FRYL: variants seen among roughly 807,000 people sequenced by gnomAD.
FRYL encodes FRY like transcription coactivator, also known as protein furry homolog-like.
In FRYL, 150 loss-of-function variants were observed where a neutral mutation model predicts 351.2. The ratio of observed to expected loss-of-function variants is 0.43; its 90% CI spans 0.37 to 0.49. The LOEUF is 0.49. FRYL is among the 20% of genes least tolerant of loss of function. FRYL has a pLI of 0.00. For synonymous variants in FRYL, 1,153 were observed against 1,257.1 expected, an observed-to-expected ratio of 0.92 and a Z score of 1.75; for missense variants, 3,036 against 3,619.3, an observed-to-expected ratio of 0.84 and a Z score of 4.13.
chr4:48,699,766 C>G (rs960452156), intron 2 of FRYL, among the ~76,000 whole-genome samples: 5 of 148,248 alleles, frequency 3.4e-5, no homozygotes, highest in Non-Finnish European at 7.5e-5. Flanking sequence ...TTTTCCTCCT[C>G]TATTTTGAGA....
rs1315692209 is a variant in FRYL at position 48,527,581 on chromosome 4, T to C, written c.7213A>G (p.Ile2405Val). 14 of 1,613,288 alleles carry C rather than the reference T, an allele frequency of 8.7e-6. No individual in the cohort carries two copies. The highest frequency in any genetic ancestry group is 1.2e-5 in the Non-Finnish European group (14 of 1,179,458). Reference sequence around the variant, plus strand: ...ACAGCTACTTCTTCCTCTTGATTTATGTCTTCTGTTGTAGAAATTAGGCTA... The same window carrying C: ...ACAGCTACTTCTTCCTCTTGATTTACGTCTTCTGTTGTAGAAATTAGGCTA... The part of the protein sequence containing the change: ...QTSLISTTED[I>V]NQEEEVAVED... The change falls in exon 53 of 64, where the codon ATA (isoleucine) becomes GTA (valine). Residue 2405 changes from isoleucine (I) to valine (V), a missense_variant. Around this residue, in one of 7 missense-constraint regions of FRYL, gnomAD observed 1,987 missense variants for 2,311.7 expected, o/e 0.86. Coordinates refer to ENST00000358350, the MANE Select transcript of FRYL (RefSeq NM_015030.2).
intron 2 of FRYL, among the ~76,000 whole-genome samples, chr4:48,685,441 T>C (rs967780163): frequency 6.6e-6 from 1 of 152,218 alleles, no homozygotes; most frequent in African/African-American, 2.4e-5. Flanking sequence ...TACTAGCCAA[T>C]GGTTAAACTA....
At chr4:48,740,771 T>C (rs1409059800) in intron 1 of FRYL, among the ~76,000 whole-genome samples, 3 of 152,062 alleles carry the variant, frequency 2.0e-5, no homozygotes, top group Non-Finnish European at 2.9e-5. Context: ...ACAAACCAAA[T>C]GCTGGTGAGG....
chr4:48,683,309 A>G (rs751140430), intron 3 of FRYL, among the ~76,000 whole-genome samples: 4 of 151,892 alleles, frequency 2.6e-5, no homozygotes, highest in Non-Finnish European at 4.4e-5. Flanking sequence ...TAGGAGAAAC[A>G]CCTAATGTAG....
chr4:48,583,095 TATC>T (rs1218456413), intron 19 of FRYL, among the ~76,000 whole-genome samples: 2 of 152,152 alleles, frequency 1.3e-5, no homozygotes, highest in African/African-American at 2.4e-5. Context: ...ATCTTAGCAC[TATC>T]GTCACATTTA....
intron 1 of FRYL, among the ~76,000 whole-genome samples, chr4:48,719,819 G>C (rs748702583): frequency 3.3e-5 from 5 of 151,636 alleles, no homozygotes; most frequent in Non-Finnish European, 5.9e-5. Context: ...AATGGGAAGA[G>C]TGGAGCAAGG....
rs202130580 is a variant in FRYL, at chr4:48,656,728, C to A, written c.-80-22238G>T. On this transcript the variant is annotated intron_variant, in intron 3 of 63. Transcript: ENST00000358350. ...ATATAAAATGTATATATATGACTGA[C>A]TATATATATATATATTTATTTATCG... Among the ~76,000 whole-genome samples, 21 of 144,948 alleles carry A rather than the reference C, an allele frequency of 1.4e-4. 1 individual carries two copies. Among genetic ancestry groups the A allele is most frequent in the African/African-American group, 2.8e-4 (11 of 39,264 alleles).
In FRYL at chr4:48,557,113, G is replaced by T; in HGVS notation, c.4131C>A (p.Gly1377=). 6.3e-7 allele frequency: 1 copy of T among 1,580,936 alleles called. No individual in the cohort carries two copies. Among genetic ancestry groups the T allele is most frequent in the Non-Finnish European group, 8.6e-7 (1 of 1,159,538 alleles). The change falls in exon 35 of 64, where the codon GGC becomes GGA. Residue 1377 remains glycine, a synonymous_variant. Transcript: ENST00000358350. ...NNLMYMTAKY[G]DELAWSEVEN... ...CCACCTCCGACCAGGCCAGTTCATC[G>T]CCATACTAGATGCAATATGCACAAA...
intron 1 of FRYL, among the ~76,000 whole-genome samples, chr4:48,774,825 G>A (rs549962164): frequency 4.6e-5 from 7 of 152,142 alleles, no homozygotes; most frequent in Non-Finnish European, 1.0e-4. Flanking sequence ...GATTACAGGC[G>A]TGAGCCACCG....
At chr4:48,776,130 T>C (rs1775991077) in intron 1 of FRYL, among the ~76,000 whole-genome samples, 2 of 149,854 alleles carry the variant, frequency 1.3e-5, no homozygotes, top group Non-Finnish European at 3.0e-5. Context: ...ATAGGAGCAG[T>C]GTTATGTGAC....
At chr4:48,775,978 A>C (rs561380681) in intron 1 of FRYL, among the ~76,000 whole-genome samples, 7 of 152,018 alleles carry the variant, frequency 4.6e-5, no homozygotes, top group African/African-American at 1.4e-4. Context: ...ACTCCCAATA[A>C]ATGTAATTTA....
At chr4:48,673,582 T>C (rs1226808927) in intron 3 of FRYL, among the ~76,000 whole-genome samples, 1 of 152,108 alleles carries the variant, frequency 6.6e-6, no homozygotes, top group Non-Finnish European at 1.5e-5. Flanking sequence ...AAAAAAATAC[T>C]GTATACCTAA....
chr4:48,578,859 T>C, intron 23 of FRYL, 114 bp downstream of exon 23: 1 of 823,728 alleles, frequency 1.2e-6, no homozygotes, highest in East Asian at 2.6e-5. Context: ...CAATGCAGTA[T>C]CACATATTAT....
chr4:48,526,352 G>C (rs1280289268), intron 53 of FRYL, among the ~76,000 whole-genome samples: 1 of 152,138 alleles, frequency 6.6e-6, no homozygotes, highest in African/African-American at 2.4e-5. Flanking sequence ...CTGTGGTTTA[G>C]GGAACTGAGC....
Position 48,515,237 on chromosome 4 carries a change from G to A in FRYL, c.7728C>T (p.Thr2576=). The A allele has an allele frequency of 3.1e-6, 5 of 1,610,680 alleles. No individual in the cohort carries two copies. The highest frequency in any genetic ancestry group is 1.3e-5 in the African/African-American group (1 of 74,840). The change falls in exon 56 of 64, where the codon ACC becomes ACT. Residue 2576 remains threonine, a synonymous_variant. Transcript: ENST00000358350. ...TTATATAGGATCCTTCATCTTCAAAGGTTGTAACATGTTCCTCCTTTAATA... is the reference window on the plus strand; with the variant it reads ...TTATATAGGATCCTTCATCTTCAAAAGTTGTAACATGTTCCTCCTTTAATA... ...TSVLKEEHVT[T]FEDEGSYIIQ...
At chr4:48,681,177 T>C (rs1183922429) in intron 3 of FRYL, 1 of 825,178 alleles carries the variant, frequency 1.2e-6, no homozygotes, top group African/African-American at 1.9e-5. Context: ...AAGGTGCCTA[T>C]ACCAACTTCC....
chr4:48,606,420 A>C lies in FRYL; in HGVS notation c.741+18T>G, dbSNP rs1290098011. Reference sequence around the variant, plus strand: ...TGTTAGGCTTGCTCTATTTACTGTCATTTAGAAGGTATATCACCTGCATAA... The same window carrying C: ...TGTTAGGCTTGCTCTATTTACTGTCCTTTAGAAGGTATATCACCTGCATAA... On this transcript the variant is annotated intron_variant, in intron 10 of 63. Transcript: ENST00000358350. 2 of 1,561,490 alleles carry C rather than the reference A, an allele frequency of 1.3e-6. No individual in the cohort carries two copies. Among genetic ancestry groups the C allele is most frequent in the Admixed American group, 3.4e-5 (2 of 58,544 alleles).
At chr4:48,776,423 ACTT>A (rs1776038024) in intron 1 of FRYL, among the ~76,000 whole-genome samples, 1 of 152,232 alleles carries the variant, frequency 6.6e-6, no homozygotes, top group Admixed American at 6.5e-5. Context: ...CTAAATTTAA[ACTT>A]CTTTACAGTA....
At chr4:48,658,803 A>G (rs1759818848) in intron 3 of FRYL, among the ~76,000 whole-genome samples, 1 of 151,876 alleles carries the variant, frequency 6.6e-6, no homozygotes, top group African/African-American at 2.4e-5. Flanking sequence ...GTAGAAGGAA[A>G]GTTGCTTTTA....
Sources: gnomAD v4.1 joint callset for allele counts (sites outside exome capture counted in the v4.1 genomes callset) on GRCh38, gnomAD v4.1.1 for gene constraint, gnomAD v4.1.1 regional missense constraint, MANE v1.5 for transcripts, NCBI Gene and HGNC (gene_info 2026-07-23, HGNC 2026-07-21) for gene names.